The following DAB1 variants were observed in gnomAD, a reference collection of about 807,000 sequenced individuals.
The protein encoded by DAB1 is DAB adaptor protein 1, also known as disabled homolog 1.
In DAB1, 15 loss-of-function variants were observed where a neutral mutation model predicts 64.6. The observed-to-expected ratio is 0.23, with a 90% confidence interval of 0.16 to 0.36. The LOEUF (loss-of-function observed/expected upper bound fraction) is 0.36. Ranked by LOEUF, DAB1 falls within the 10% of genes least tolerant of loss-of-function variation. The pLI is 1.00. For missense variants in DAB1, 596 were observed against 706.7 expected (o/e 0.84, Z 1.78); for synonymous variants, 235 against 251.9 (o/e 0.93, Z 0.64).
intron 1 of DAB1, among the ~76,000 whole-genome samples, chr1:58,535,560 C>G (rs1306643600): frequency 7.6e-6 from 1 of 131,928 alleles, no homozygotes; most frequent in East Asian, 2.2e-4. Context: ...GGCACCACTG[C>G]AGTACAGCCT....
At chr1:57,039,659 T>G (rs1055306697) in intron 9 of DAB1, among the ~76,000 whole-genome samples, 11 of 152,212 alleles carry the variant, frequency 7.2e-5, no homozygotes, top group Non-Finnish European at 2.9e-5. Context: ...ATCCATCCCT[T>G]ATACCTATTT....
chr1:57,973,848 T>G (rs376461762), intron 5 of DAB1, among the ~76,000 whole-genome samples: 1 of 152,156 alleles, frequency 6.6e-6, no homozygotes, highest in Non-Finnish European at 1.5e-5. Flanking sequence ...TGCCTCCCTA[T>G]AGTGACTTCT....
intron 1 of DAB1, among the ~76,000 whole-genome samples, chr1:58,544,349 C>G (rs998328441): frequency 5.3e-5 from 8 of 151,992 alleles, no homozygotes; most frequent in African/African-American, 1.9e-4. Flanking sequence ...GAGAACAAAA[C>G]AGATTTTAAA....
At chr1:57,293,932 G>A (rs1370849966) in intron 1 of DAB1, among the ~76,000 whole-genome samples, 3 of 152,076 alleles carry the variant, frequency 2.0e-5, no homozygotes, top group Admixed American at 2.0e-4. Flanking sequence ...GTGAATTTCT[G>A]AAGTACATCC....
At chr1:57,556,620 T>C (rs1319460794) in intron 7 of DAB1, among the ~76,000 whole-genome samples, 3 of 152,210 alleles carry the variant, frequency 2.0e-5, no homozygotes, top group African/African-American at 4.8e-5. Context: ...CACTTTTTAA[T>C]GAGATTGTTT....
At chr1:57,333,414 G>A (rs1676838553) in intron 1 of DAB1, among the ~76,000 whole-genome samples, 1 of 152,242 alleles carries the variant, frequency 6.6e-6, no homozygotes, top group Admixed American at 6.5e-5. Flanking sequence ...CAGGGTTGCT[G>A]TCAATAGGAC....
At chr1:57,098,812 A>G (rs1654406348) in intron 4 of DAB1, among the ~76,000 whole-genome samples, 1 of 152,200 alleles carries the variant, frequency 6.6e-6, no homozygotes, top group Non-Finnish European at 1.5e-5. Context: ...CCTAATCTTG[A>G]TTGCCCTGGG....
chr1:57,734,500 T>C (rs989430988), intron 6 of DAB1, among the ~76,000 whole-genome samples: 4 of 152,232 alleles, frequency 2.6e-5, no homozygotes, highest in Admixed American at 2.0e-4. Context: ...ACAACTTCAG[T>C]TGAAATCAGT....
chr1:58,427,736 A>G lies in DAB1; in HGVS notation n.257+78324T>C, dbSNP rs148515764. On this transcript the variant is annotated intron_variant and non_coding_transcript_variant, in intron 3 of 20. Transcript: ENST00000485760. ...GGGGATCCAGTGTTTGACTTGGTAA[A>G]TATTAAGTCCGAGGTGCTTTATCTT... Among the ~76,000 whole-genome samples the G allele has an allele frequency of 1.6e-3, 246 of 152,246 alleles. 1 individual carries two copies. The highest frequency in any genetic ancestry group is 5.5e-3 in the African/African-American group (228 of 41,552).
chr1:57,738,166 A>C (rs994123411), intron 6 of DAB1, among the ~76,000 whole-genome samples: 11 of 152,248 alleles, frequency 7.2e-5, no homozygotes, highest in Admixed American at 2.0e-4. Context: ...CACCAAATAA[A>C]TGACAGTTCC....
intron 3 of DAB1, among the ~76,000 whole-genome samples, chr1:58,499,509 AATAG>A (rs1553122699): frequency 4.7e-5 from 2 of 42,856 alleles, no homozygotes; most frequent in Admixed American, 5.0e-4. Context: ...TAGATAGATA[AATAG>A]ATAGATAGAT....
At chr1:57,798,500 C>T (rs1289995613) in intron 6 of DAB1, among the ~76,000 whole-genome samples, 1 of 152,192 alleles carries the variant, frequency 6.6e-6, no homozygotes, top group Non-Finnish European at 1.5e-5. Context: ...GCATTTCACA[C>T]CTCCCCCAAC....
chr1:57,495,241 G>C (rs1421780365), intron 7 of DAB1, among the ~76,000 whole-genome samples: 1 of 152,024 alleles, frequency 6.6e-6, no homozygotes, highest in Non-Finnish European at 1.5e-5. Context: ...ATAATATAAG[G>C]TGTACTACTA....
chr1:58,186,123 C>A (rs1174908388), intron 4 of DAB1, among the ~76,000 whole-genome samples: 3 of 152,206 alleles, frequency 2.0e-5, no homozygotes, highest in Non-Finnish European at 4.4e-5. Flanking sequence ...CCAGGGAGAG[C>A]AAATATTCTG....
At chr1:58,294,971 G>A (rs530544024) in intron 4 of DAB1, among the ~76,000 whole-genome samples, 1 of 151,598 alleles carries the variant, frequency 6.6e-6, no homozygotes, top group African/African-American at 2.4e-5. Flanking sequence ...TGATAAGAGA[G>A]GATTCATGTT....
At chr1:58,336,818 C>T (rs566555733) in intron 4 of DAB1, among the ~76,000 whole-genome samples, 2 of 152,048 alleles carry the variant, frequency 1.3e-5, no homozygotes, top group Non-Finnish European at 2.9e-5. Flanking sequence ...ACAGATGCAG[C>T]CTTTGAAAGT....
At chr1:57,671,366 A>G (rs368732508) in intron 6 of DAB1, among the ~76,000 whole-genome samples, 11 of 152,254 alleles carry the variant, frequency 7.2e-5, no homozygotes, top group African/African-American at 2.6e-4. Context: ...AAAAATGGTC[A>G]AATCTGCCTG....
At chr1:57,027,430 C>A (rs767932770) in intron 9 of DAB1, among the ~76,000 whole-genome samples, 1 of 152,224 alleles carries the variant, frequency 6.6e-6, no homozygotes, top group Non-Finnish European at 1.5e-5. Flanking sequence ...CTCTGCTGTG[C>A]TGCCCACTGC....
intron 2 of DAB1, among the ~76,000 whole-genome samples, chr1:57,199,903 G>T (rs889992414): frequency 6.6e-6 from 1 of 152,120 alleles, no homozygotes; most frequent in Non-Finnish European, 1.5e-5. Flanking sequence ...GTCCTAAGAA[G>T]TTCAGCCTAT....
Sources: gnomAD v4.1 joint callset for allele counts (sites outside exome capture counted in the v4.1 genomes callset) on GRCh38, gnomAD v4.1.1 for gene constraint, MANE v1.5 for transcripts, NCBI Gene and HGNC (gene_info 2026-07-23, HGNC 2026-07-21) for gene names.